USH2A: variants seen among roughly 807,000 people sequenced by gnomAD.
USH2A encodes usherin.
A neutral mutation model predicts 538.9 loss-of-function variants in USH2A; 443 were observed. The observed-to-expected ratio is 0.82, with a 90% CI of 0.76 to 0.89. The LOEUF (loss-of-function observed/expected upper bound fraction) is 0.89, where lower values mean the gene tolerates loss of function less well. USH2A is among the 40% of genes least tolerant of loss of function. USH2A has a pLI of 0.00. For missense variants in USH2A, 6,633 were observed against 6,324.8 expected (o/e 1.05, Z -1.65); for synonymous variants, 2,413 against 2,273.5 (o/e 1.06, Z -1.75).
chr1:215,753,606 A>T (rs1368099989), intron 58 of USH2A, among the ~76,000 whole-genome samples: 2 of 152,158 alleles, frequency 1.3e-5, no homozygotes, highest in Non-Finnish European at 2.9e-5. Context: ...GTGGGAATTG[A>T]ACAATGAGAA....
At chr1:215,866,944 A>C in intron 44 of USH2A, 63 bp downstream of exon 44, 2 of 1,609,718 alleles carry the variant, frequency 1.2e-6, no homozygotes, top group Non-Finnish European at 1.7e-6. Context: ...GGTTCATAGT[A>C]AAGAAAGAAT....
intron 11 of USH2A, among the ~76,000 whole-genome samples, chr1:216,259,544 TCTG>T (rs1456740179): frequency 1.3e-5 from 2 of 152,132 alleles, no homozygotes; most frequent in Non-Finnish European, 2.9e-5. Flanking sequence ...TTGTACACAT[TCTG>T]CTTTCTGACA....
chr1:215,774,181 ATGCC>A (rs1296194276), intron 55 of USH2A, among the ~76,000 whole-genome samples: 1 of 152,128 alleles, frequency 6.6e-6, no homozygotes. Context: ...TGCATTGCAC[ATGCC>A]AGTAAGATCA....
intron 70 of USH2A, among the ~76,000 whole-genome samples, chr1:215,632,597 C>A (rs1470439200): frequency 9.9e-5 from 15 of 152,074 alleles, no homozygotes; most frequent in Admixed American, 9.8e-4. Context: ...TTCCTGTAAC[C>A]GCACCTCACA....
chr1:215,847,099 C>T (rs963685431), intron 44 of USH2A, among the ~76,000 whole-genome samples: 1 of 152,144 alleles, frequency 6.6e-6, no homozygotes, highest in African/African-American at 2.4e-5. Flanking sequence ...AAAGACCAGT[C>T]TATTATTTTT....
At chr1:216,161,346 A>T (rs752146567) in intron 21 of USH2A, among the ~76,000 whole-genome samples, 4 of 152,050 alleles carry the variant, frequency 2.6e-5, no homozygotes, top group Non-Finnish European at 5.9e-5. Context: ...TAATTTTCTA[A>T]ATCATTCTTT....
intron 11 of USH2A, among the ~76,000 whole-genome samples, chr1:216,266,933 A>T (rs2036484158): frequency 6.6e-6 from 1 of 151,660 alleles, no homozygotes; most frequent in African/African-American, 2.4e-5. Context: ...AATTCAAATA[A>T]TATTTTATAT....
At chr1:216,419,880 G>A (rs2039646540) in intron 2 of USH2A, among the ~76,000 whole-genome samples, 1 of 151,948 alleles carries the variant, frequency 6.6e-6, no homozygotes, top group Admixed American at 6.6e-5. Flanking sequence ...TTCCTGAGTT[G>A]GGAGGTAAGA....
intron 43 of USH2A, among the ~76,000 whole-genome samples, chr1:215,868,567 C>A (rs899916282): frequency 1.3e-5 from 2 of 152,114 alleles, no homozygotes; most frequent in African/African-American, 4.8e-5. Flanking sequence ...TGAACTGTAT[C>A]TTTCAAAAAG....
chr1:215,634,668 A>C lies in USH2A; in HGVS notation c.15088T>G (p.Ser5030Ala). The C allele has an allele frequency of 6.2e-7, 1 of 1,614,216 alleles. No homozygotes were observed. The highest frequency in any genetic ancestry group is 8.5e-7 in the Non-Finnish European group (1 of 1,180,046). Residue 5030 changes from serine to alanine, a missense_variant, in exon 70 of 72, where the codon TCG becomes GCG. Ser to Ala is a moderately conservative substitution (Grantham distance 99, BLOSUM62 1). Transcript: ENST00000307340. ...TAGAACTCTGTGCTTTTGCTCCGCG[A>C]TCCCTTCTTTTTCCCAGGAGTTGTT... ...VLTTPGKKKG[S>A]RSKSTEFYSE...
At chr1:216,194,320 A>T (rs1488165921) in intron 19 of USH2A, 1 of 152,114 alleles carries the variant, frequency 6.6e-6, no homozygotes, top group African/African-American at 2.4e-5. Flanking sequence ...AGTAGAAGGT[A>T]ATTCACTGGT....
At chr1:216,321,647 C>T (rs2037612278) in intron 9 of USH2A, among the ~76,000 whole-genome samples, 1 of 151,932 alleles carries the variant, frequency 6.6e-6, no homozygotes, top group South Asian at 2.1e-4. Flanking sequence ...AGAAAAGAAC[C>T]TTAGGGTTTG....
At chr1:216,315,961 A>T (rs1466713406) in intron 9 of USH2A, among the ~76,000 whole-genome samples, 1 of 152,190 alleles carries the variant, frequency 6.6e-6, no homozygotes, top group Non-Finnish European at 1.5e-5. Context: ...TTCTAAAGTG[A>T]GCCTAGTAAA....
chr1:216,377,896 A>G (rs556175088), intron 3 of USH2A, among the ~76,000 whole-genome samples: 55 of 146,588 alleles, frequency 3.8e-4, no homozygotes, highest in African/African-American at 5.9e-4. Flanking sequence ...AGGAAGGAAG[A>G]AAGAAAGAGA....
At chr1:215,951,006 C>G (rs1298611998) in intron 37 of USH2A, among the ~76,000 whole-genome samples, 5 of 152,110 alleles carry the variant, frequency 3.3e-5, no homozygotes, top group Non-Finnish European at 7.4e-5. Flanking sequence ...GACACCAGCT[C>G]CTGGATTCAT....
intron 21 of USH2A, among the ~76,000 whole-genome samples, chr1:216,131,472 T>C (rs1335795170): frequency 6.6e-6 from 1 of 152,088 alleles, no homozygotes; most frequent in Non-Finnish European, 1.5e-5. Flanking sequence ...CCATCTTGAG[T>C]TGATATTTGT....
Position 216,409,556 on chromosome 1 carries a change from GA to G in USH2A, c.651+8957del, listed in dbSNP as rs565209217. On this transcript the variant is annotated intron_variant, in intron 3 of 71. Coordinates refer to ENST00000307340, the MANE Select transcript of USH2A (RefSeq NM_206933.4). The stretch of plus-strand genomic sequence containing the variant: ...ACACATAGACCGAAGAAAAAGAATA[GA>G]GAGCCCAGAAATAAGGCCATCACAC... Among the ~76,000 whole-genome samples the G allele has an allele frequency of 2.8e-3, 422 of 152,058 alleles. 5 individuals carry two copies. The highest frequency in any genetic ancestry group is 3.8e-3 in the Non-Finnish European group (259 of 67,968).
intron 32 of USH2A, among the ~76,000 whole-genome samples, chr1:216,014,085 A>G (rs976717304): frequency 4.1e-5 from 6 of 145,250 alleles, no homozygotes; most frequent in Admixed American, 6.8e-5. Flanking sequence ...AGCATGAAAA[A>G]AGAGAGAGAG....
At chr1:216,290,897 C>G (rs1239637720) in intron 10 of USH2A, among the ~76,000 whole-genome samples, 1 of 152,124 alleles carries the variant, frequency 6.6e-6, no homozygotes, top group African/African-American at 2.4e-5. Context: ...TGCCTACACT[C>G]TGCTCACAAA....
Sources: allele counts gnomAD v4.1 joint callset (sites outside exome capture counted in the v4.1 genomes callset), GRCh38; gene constraint gnomAD v4.1.1; transcripts MANE v1.5; gene names NCBI Gene and HGNC (gene_info 2026-07-23, HGNC 2026-07-21).